Variants in CD33 observed in about 807,000 individuals in gnomAD.
CD33 encodes the protein myeloid cell surface antigen CD33.
A neutral mutation model predicts 31.4 loss-of-function variants in CD33; 25 were observed. The observed-to-expected ratio is 0.80, with a 90% CI of 0.58 to 1.11. The LOEUF (loss-of-function observed/expected upper bound fraction) is 1.11. Among genes scored for constraint, CD33 ranks in the 50% most tolerant of loss-of-function variants. The pLI is 0.00. For synonymous variants in CD33, 176 were observed against 180.6 expected (o/e 0.97, Z 0.20); for missense variants, 407 against 448.1 (o/e 0.91, Z 0.83).
rs771478572 is a variant in CD33, at chr19:51,235,182, G to A, written c.771G>A (p.Val257=). The part of the protein sequence containing the change: ...GSGKQETRAG[V]VHGAIGGAGV... ...GGAAACAAGAGACCAGAGCAGGAGT[G>A]GTTCATGGGGCCATTGGAGGAGCTG... Residue 257 remains valine, a synonymous_variant, in exon 5 of 7, where the codon GTG becomes GTA. Coordinates refer to ENST00000262262, the MANE Select transcript of CD33 (RefSeq NM_001772.4). 16 of 1,614,130 alleles carry A rather than the reference G, an allele frequency of 9.9e-6. No individual in the cohort carries two copies. The South Asian group carries it at 1.6e-4, about 17-fold the overall frequency.
chr19:51,237,321 T>C (rs1981869290), intron 6 of CD33: 1 of 152,218 alleles, frequency 6.6e-6, no homozygotes, highest in Non-Finnish European at 1.5e-5. Context: ...AACACACAGT[T>C]TACAAATATA....
chr19:51,221,731 C>T (rs999280450), upstream of CD33, among the ~76,000 whole-genome samples: 1 of 152,142 alleles, frequency 6.6e-6, no homozygotes, highest in African/African-American at 2.4e-5. Context: ...TTCATAGTCA[C>T]CCAAACCTGA....
Position 51,239,731 on chromosome 19 carries a change from C to CT in CD33, c.*44dup. The CT allele has an allele frequency of 6.5e-7, 1 of 1,528,744 alleles. No homozygotes were observed. The highest frequency in any genetic ancestry group is 8.9e-7 in the Non-Finnish European group (1 of 1,125,894). The allele number at this position is 1,528,744 out of a possible 1,614,324, so 94.7% of individuals were successfully genotyped here. ...CAGGCTCAGCTAGAAGATCCACATCCTCTACAGGTCGGGGACCAAAGGCTG... is the reference window on the plus strand; with the variant it reads ...CAGGCTCAGCTAGAAGATCCACATCCTTCTACAGGTCGGGGACCAAAGGCTG... On this transcript the variant is annotated 3_prime_UTR_variant, in exon 7 of 7. Coordinates refer to ENST00000262262, the MANE Select transcript of CD33 (RefSeq NM_001772.4).
the CD33 span, among the ~76,000 whole-genome samples, chr19:51,219,503 G>A: frequency 2.4e-4 from 37 of 152,048 alleles, no homozygotes; most frequent in Non-Finnish European, 4.3e-4. Context: ...CAATGTGGGC[G>A]CCTTTTGTTT....
In CD33 at chr19:51,235,616, A is replaced by T; in HGVS notation, c.864A>T (p.Lys288Asn). 6.2e-7 allele frequency: 1 copy of T among 1,613,968 alleles called. No individual in the cohort carries two copies. The part of the protein sequence containing the change: ...IFFIVKTHRR[K>N]AARTAVGRND... Reference sequence around the variant, plus strand: ...TCAGAGTGAAGACCCACAGGAGGAAAGCAGCCAGGACAGCAGTGGGCAGGA... The same window carrying T: ...TCAGAGTGAAGACCCACAGGAGGAATGCAGCCAGGACAGCAGTGGGCAGGA... The change falls in exon 6 of 7, where the codon AAA (lysine) becomes AAT (asparagine). Residue 288 changes from lysine (K) to asparagine (N), a missense_variant. Coordinates refer to ENST00000262262, the MANE Select transcript of CD33 (RefSeq NM_001772.4).
chr19:51,226,246 G>T, intron 3 of CD33, 63 bp from the exon 4 acceptor site: 2 of 1,539,896 alleles, frequency 1.3e-6, no homozygotes, highest in Non-Finnish European at 9.0e-7. Flanking sequence ...GGAGTAAGGG[G>T]AAATGCCTAC....
intron 4 of CD33, 87 bp downstream of exon 4, chr19:51,226,443 T>C: frequency 8.2e-7 from 1 of 1,224,712 alleles, no homozygotes; most frequent in South Asian, 1.2e-5. Context: ...GAGTCAAATG[T>C]TCAGAGGCAA....
intron 4 of CD33, among the ~76,000 whole-genome samples, chr19:51,229,304 T>C (rs978160205): frequency 1.3e-5 from 2 of 152,218 alleles, no homozygotes; most frequent in African/African-American, 4.8e-5. Flanking sequence ...TACTATTTTG[T>C]TGAATATTTT....
chr19:51,217,848 C>T, the CD33 span, among the ~76,000 whole-genome samples: 1 of 152,190 alleles, frequency 6.6e-6, no homozygotes, highest in African/African-American at 2.4e-5. Context: ...TCAGTTCCAA[C>T]CATGTTGCTT....
At chr19:51,215,388 C>G in the CD33 span, among the ~76,000 whole-genome samples, 3 of 152,144 alleles carry the variant, frequency 2.0e-5, no homozygotes, top group African/African-American at 7.2e-5. Context: ...CATTTTCTAT[C>G]AGCCCCTTTG....
the CD33 span, among the ~76,000 whole-genome samples, chr19:51,213,905 G>A: frequency 1.4e-5 from 2 of 145,888 alleles, no homozygotes; most frequent in Non-Finnish European, 3.0e-5. Context: ...TGTCGCCCAG[G>A]CTTGACTGCA....
At chr19:51,211,967 G>A in the CD33 span, 40 of 1,235,720 alleles carry the variant, frequency 3.2e-5, no homozygotes, top group Admixed American at 5.1e-4. Context: ...CAGTGCTCAC[G>A]ATCATCCCAT....
chr19:51,239,453 C>CTTCA, intron 6 of CD33, 65 bp from the exon 7 acceptor site: 1 of 1,280,626 alleles, frequency 7.8e-7, no homozygotes, highest in Non-Finnish European at 1.1e-6. Context: ...CATTGACCCT[C>CTTCA]TTTGCCTTCT....
At chr19:51,221,395 A>G (rs1980682259), upstream of CD33, among the ~76,000 whole-genome samples, 1 of 152,254 alleles carries the variant, frequency 6.6e-6, no homozygotes, top group Non-Finnish European at 1.5e-5. Flanking sequence ...AGGTAATTAT[A>G]AATCAGGAGA....
intron 4 of CD33, among the ~76,000 whole-genome samples, chr19:51,229,150 T>C (rs749446546): frequency 6.6e-6 from 1 of 152,242 alleles, no homozygotes; most frequent in Non-Finnish European, 1.5e-5. Context: ...ATTTAGGTGA[T>C]CATACGGTTT....
chr19:51,220,906 A>G (rs273639), upstream of CD33, among the ~76,000 whole-genome samples: 52,343 of 152,056 alleles, frequency 0.34, 9,653 homozygotes, highest in Non-Finnish European at 0.43. Context: ...GACAGCCAAA[A>G]GATAAGTTAC....
At chr19:51,211,973 C>A in the CD33 span, 1 of 1,208,526 alleles carries the variant, frequency 8.3e-7, no homozygotes, top group South Asian at 1.2e-5. Context: ...TCACGATCAT[C>A]CCATGGCCCC....
In CD33 at chr19:51,235,658, C is replaced by T; in HGVS notation, c.906C>T (p.Thr302=). 1 of 1,613,768 alleles carries T rather than the reference C, an allele frequency of 6.2e-7. No individual in the cohort carries two copies. Among genetic ancestry groups the T allele is most frequent in the Non-Finnish European group, 8.5e-7 (1 of 1,179,900 alleles). Residue 302 remains threonine (T), a synonymous_variant, in exon 6 of 7, where the codon ACC becomes ACT. Coordinates refer to ENST00000262262, the MANE Select transcript of CD33 (RefSeq NM_001772.4). The part of the protein sequence containing the change: ...TAVGRNDTHP[T]TGSASPKHQK... ...TGGGCAGGAATGACACCCACCCTAC[C>T]ACAGGGTCAGCCTCCCCGGTGAGTG...
upstream of CD33, among the ~76,000 whole-genome samples, chr19:51,223,994 T>C (rs1431404104): frequency 6.6e-6 from 1 of 152,092 alleles, no homozygotes; most frequent in African/African-American, 2.4e-5. Context: ...GCCCCACCTA[T>C]ACACAAAGGC....
Sources: gnomAD v4.1 joint callset for allele counts (sites outside exome capture counted in the v4.1 genomes callset) on GRCh38, gnomAD v4.1.1 for gene constraint, MANE v1.5 for transcripts, NCBI Gene and HGNC (gene_info 2026-07-23, HGNC 2026-07-21) for gene names.